The following DIS3 variants were observed in gnomAD, a reference collection of about 807,000 sequenced individuals.
The protein encoded by DIS3 is DIS3 exosome endoribonuclease and 3'-5' exoribonuclease.
A neutral mutation model predicts 113.0 loss-of-function variants in DIS3; 103 were observed. That is an observed-to-expected ratio of 0.91 (90% CI 0.78 to 1.07). The LOEUF (loss-of-function observed/expected upper bound fraction) is 1.07, where lower values mean the gene tolerates loss of function less well. Ranked by LOEUF, DIS3 falls within the 50% of genes least tolerant of loss-of-function variation. The pLI is 0.00. For missense variants in DIS3, 1,121 were observed against 1,167.1 expected (o/e 0.96, Z 0.58); for synonymous variants, 402 against 394.3 (o/e 1.02, Z -0.23).
chr13:72,776,097 G>A lies in DIS3; in HGVS notation c.655-5C>T. ...TTTTCCACTTTCTATTTCATTCTATGAAAGAAGCAAACCAAAAGATGCCGC... is the reference window on the plus strand; with the variant it reads ...TTTTCCACTTTCTATTTCATTCTATAAAAGAAGCAAACCAAAAGATGCCGC... On this transcript the variant is annotated splice_polypyrimidine_tract_variant and splice_region_variant and intron_variant, in intron 4 of 20. Transcript: ENST00000377767. 1 of 1,585,160 alleles carries A rather than the reference G, an allele frequency of 6.3e-7. No homozygotes were observed. The highest frequency in any genetic ancestry group is 1.2e-5 in the South Asian group (1 of 85,258).
intron 15 of DIS3, among the ~76,000 whole-genome samples, chr13:72,764,843 A>G (rs2033708421): frequency 6.6e-6 from 1 of 152,190 alleles, no homozygotes; most frequent in African/African-American, 2.4e-5. Context: ...GAAATGGCTG[A>G]TATTTTACTT....
chr13:72,763,543 GA>G lies in DIS3; in HGVS notation c.2034del (p.His679MetfsTer58). 1 of 1,613,690 alleles carries G rather than the reference GA, an allele frequency of 6.2e-7. No homozygotes were observed. The highest frequency in any genetic ancestry group is 8.5e-7 in the Non-Finnish European group (1 of 1,179,906). On this transcript the variant is annotated frameshift_variant, in exon 16 of 21. Transcript: ENST00000377767. LOFTEE classifies it high-confidence loss of function. ...LLANISVAKK[I>X]HEEFSEHALL... ...AGAGCATGTTCAGAAAATTCCTCATGAATTTTTTTTGCAACAGAAATATTGG... is the reference window on the plus strand; with the variant it reads ...AGAGCATGTTCAGAAAATTCCTCATGATTTTTTTTGCAACAGAAATATTGG...
rs2034041785 is a variant in DIS3 at position 72,777,423 on chromosome 13, T to G, written c.651A>C (p.Glu217Asp). Residue 217 changes from glutamate (E) to aspartate (D), a missense_variant, in exon 4 of 21, where the codon GAA (glutamate) becomes GAC (aspartate). Glu to Asp is a conservative substitution (Grantham distance 45). This residue lies in a region of DIS3 where 861 missense variants were observed against 915.5 expected (regional missense o/e 0.94). Coordinates refer to ENST00000377767, the MANE Select transcript of DIS3 (RefSeq NM_014953.5). ...LIDRLACLSE[E>D]GNEIESGKII... ...CAAAAACAAAACAAAAACATACCCC[T>G]TCTTCAGACAAACAAGCAAGACGAT... 1.2e-6 allele frequency: 2 copies of G among 1,613,878 alleles called. No homozygotes were observed. Among genetic ancestry groups the G allele is most frequent in the Admixed American group, 1.7e-5 (1 of 59,994 alleles).
At position 72,762,213 on chromosome 13, in the gene DIS3, T is replaced by C. The variant is rs2033644510; in HGVS notation, c.2128-76A>G. Reference sequence around the variant, plus strand: ...TACCATTATGTCTTCAAAATATAACTGATCTGACTGAACAAACATCATGTT... The same window carrying C: ...TACCATTATGTCTTCAAAATATAACCGATCTGACTGAACAAACATCATGTT... On this transcript the variant is annotated intron_variant, in intron 16 of 20. Coordinates refer to ENST00000377767, the MANE Select transcript of DIS3 (RefSeq NM_014953.5). 33 of 1,226,726 alleles carry C rather than the reference T, an allele frequency of 2.7e-5. 1 individual carries two copies. In the South Asian group the frequency reaches 4.2e-4, roughly 16 times the overall value. 76.0% of individuals were successfully genotyped at this position (1,226,726 alleles called of 1,614,324 possible). A position where few individuals can be genotyped will look rare whatever the true frequency, so the allele number is the denominator to read the frequency against.
At chr13:72,779,692 A>C (rs765598124) in intron 2 of DIS3, among the ~76,000 whole-genome samples, 2 of 139,010 alleles carry the variant, frequency 1.4e-5, no homozygotes, top group South Asian at 4.8e-4. Flanking sequence ...CTCTAATCCA[A>C]TGGTTCTCAA....
chr13:72,773,456 T>C (rs1360870994), intron 8 of DIS3, among the ~76,000 whole-genome samples: 3 of 152,110 alleles, frequency 2.0e-5, no homozygotes, highest in African/African-American at 7.2e-5. Context: ...GGTGAGACTC[T>C]CTCTCAAAAA....
At position 72,753,741 on chromosome 13, in the gene DIS3, G is replaced by A. The variant is rs2033347877; in HGVS notation, c.*6054C>T. On this transcript the variant is annotated 3_prime_UTR_variant, in exon 21 of 21. Transcript: ENST00000377767. ...TTGTGGAAGCAATATTATGGATACA[G>A]TTGGGGCAGAAAGTTACTGCAAAGA... 1 of 1,613,464 alleles carries A rather than the reference G, an allele frequency of 6.2e-7. No homozygotes were observed. The highest frequency in any genetic ancestry group is 8.5e-7 in the Non-Finnish European group (1 of 1,179,690).
Position 72,781,524 on chromosome 13 carries a change from G to A in DIS3, c.228+81C>T, listed in dbSNP as rs2034222103. 4 of 1,444,264 alleles carry A rather than the reference G, an allele frequency of 2.8e-6. No individual in the cohort carries two copies. The Admixed American group carries it at 8.3e-5, about 30-fold the overall frequency. The allele number at this position is 1,444,264 out of a possible 1,614,324, so 89.5% of individuals were successfully genotyped here. Reference sequence around the variant, plus strand: ...AGGTATGTGACACTGCCAAAGACCCGCCTCCCTGGGCCTCAGTTTCCCTGT... The same window carrying A: ...AGGTATGTGACACTGCCAAAGACCCACCTCCCTGGGCCTCAGTTTCCCTGT... On this transcript the variant is annotated intron_variant, in intron 1 of 20. Coordinates refer to ENST00000377767, the MANE Select transcript of DIS3 (RefSeq NM_014953.5).
chr13:72,772,135 A>G, intron 10 of DIS3, 24 bp downstream of exon 10: 5 of 1,560,340 alleles, frequency 3.2e-6, no homozygotes, highest in Non-Finnish European at 4.4e-6. Flanking sequence ...ATATTTAGGT[A>G]AGAACACTAT....
rs2033428454 is a variant in DIS3 at position 72,755,319 on chromosome 13, A to G, written c.*4476T>C. The G allele has an allele frequency of 1.1e-6, 1 of 944,870 alleles. No homozygotes were observed. The allele number at this position is 944,870 out of a possible 1,614,324, so 58.5% of individuals were successfully genotyped here. On this transcript the variant is annotated 3_prime_UTR_variant, in exon 21 of 21. Transcript: ENST00000377767. ...GACTGGGAAAAAATTACTTCAAGTAACATGCTTAGCTTTCCCTCCTTAATG... is the reference window on the plus strand; with the variant it reads ...GACTGGGAAAAAATTACTTCAAGTAGCATGCTTAGCTTTCCCTCCTTAATG...
intron 9 of DIS3, among the ~76,000 whole-genome samples, 177 bp downstream of exon 9, chr13:72,772,516 A>G (rs138229094): frequency 1.3e-5 from 2 of 152,278 alleles, no homozygotes; most frequent in African/African-American, 4.8e-5. Context: ...AGAAAAACTT[A>G]CCCTTCAATG....
chr13:72,775,818 T>A (rs1040105444), intron 5 of DIS3, 107 bp downstream of exon 5: 3 of 973,268 alleles, frequency 3.1e-6, no homozygotes, highest in African/African-American at 3.5e-5. Context: ...TGCTTTAAAG[T>A]ATGTGAAGCC....
At chr13:72,768,420 C>T (rs2033803871) in intron 14 of DIS3, among the ~76,000 whole-genome samples, 2 of 152,116 alleles carry the variant, frequency 1.3e-5, no homozygotes, top group Non-Finnish European at 2.9e-5. Context: ...GAGGCCGAGG[C>T]GGCTGGATCA....
In DIS3 at chr13:72,778,318, C is replaced by A; in HGVS notation, c.449G>T (p.Arg150Leu). Reference protein sequence around the residue: ...NANDRNDRAIRVAAKWYNEHL... With the variant: ...NANDRNDRAILVAAKWYNEHL... ...TTCATTGTACCATTTTGCTGCTACT[C>A]GAATCGCTCTATCATTCCTGTCATT... Residue 150 changes from arginine to leucine, a missense_variant, in exon 3 of 21, where the codon CGA becomes CTA. Transcript: ENST00000377767. The A allele has an allele frequency of 2.5e-6, 4 of 1,602,328 alleles. No individual in the cohort carries two copies. Among genetic ancestry groups the A allele is most frequent in the Non-Finnish European group, 3.4e-6 (4 of 1,171,438 alleles).
chr13:72,774,460 CTTTA>C (rs1466414970), intron 6 of DIS3, among the ~76,000 whole-genome samples: 1 of 151,938 alleles, frequency 6.6e-6, no homozygotes, highest in Non-Finnish European at 1.5e-5. Flanking sequence ...CCCTTTGGAC[CTTTA>C]TTTATTAATT....
intron 3 of DIS3, among the ~76,000 whole-genome samples, chr13:72,777,788 T>C (rs1272556997): frequency 5.3e-5 from 8 of 151,916 alleles, no homozygotes; most frequent in Non-Finnish European, 8.8e-5. Context: ...AGTCTCCCTA[T>C]GTTGCCCAGG....
At chr13:72,775,085 G>A (rs1440847260) in intron 6 of DIS3, 126 bp downstream of exon 6, 44 of 1,024,476 alleles carry the variant, frequency 4.3e-5, no homozygotes, top group Non-Finnish European at 5.8e-5. Flanking sequence ...TGTATGACAT[G>A]CGTTAAATAT....
chr13:72,760,619 G>C lies in DIS3; in HGVS notation c.2703C>G (p.Phe901Leu). Residue 901 changes from phenylalanine to leucine, a missense_variant, in exon 20 of 21, where the codon TTC becomes TTG. Phe to Leu is a conservative substitution (Grantham distance 22). Coordinates refer to ENST00000377767, the MANE Select transcript of DIS3 (RefSeq NM_014953.5). ...TCACTTTAACTTTATCAAATACATG[G>C]AACACTGTATCTTCTATTTTAAGTG... ...IPSLKIEDTV[F>L]HVFDKVKVKI... 4 of 1,612,970 alleles carry C rather than the reference G, an allele frequency of 2.5e-6. No homozygotes were observed. The highest frequency in any genetic ancestry group is 3.4e-6 in the Non-Finnish European group (4 of 1,179,236).
At chr13:72,768,935 T>A in intron 13 of DIS3, 23 bp from the exon 14 acceptor site, 1 of 1,478,196 alleles carries the variant, frequency 6.8e-7, no homozygotes, top group Non-Finnish European at 9.3e-7. Flanking sequence ...ATGTATGTTA[T>A]ATAATTCTTA....
Sources: gnomAD v4.1 joint callset for allele counts (sites outside exome capture counted in the v4.1 genomes callset) on GRCh38, gnomAD v4.1.1 for gene constraint, gnomAD v4.1.1 regional missense constraint, MANE v1.5 for transcripts, NCBI Gene and HGNC (gene_info 2026-07-23, HGNC 2026-07-21) for gene names.